The following PRICKLE2 variants were observed in gnomAD, a reference collection of about 807,000 sequenced individuals.
PRICKLE2 encodes prickle-like protein 2.
In PRICKLE2, 21 loss-of-function variants were observed where a neutral mutation model predicts 81.4. That is an observed-to-expected ratio of 0.26 (90% confidence interval 0.18 to 0.37). The LOEUF (loss-of-function observed/expected upper bound fraction) is 0.37. Among genes scored for constraint, PRICKLE2 ranks in the 10% least tolerant of loss-of-function variants. PRICKLE2 has a pLI of 1.00. For missense variants in PRICKLE2, 940 were observed against 1,109.0 expected (o/e 0.85, Z 2.16); for synonymous variants, 456 against 421.5 (o/e 1.08, Z -1.00).
At chr3:64,133,216 A>G (rs2077223195) in intron 7 of PRICKLE2, among the ~76,000 whole-genome samples, 1 of 151,998 alleles carries the variant, frequency 6.6e-6, no homozygotes, top group Admixed American at 6.6e-5. Flanking sequence ...GGTAGTCCTA[A>G]CTCCTGAATA....
intron 2 of PRICKLE2, among the ~76,000 whole-genome samples, chr3:64,252,779 C>G (rs1475774214): frequency 6.6e-6 from 1 of 152,146 alleles, no homozygotes; most frequent in East Asian, 1.9e-4. Flanking sequence ...GATCAGGGGT[C>G]AACAAACTTT....
intron 7 of PRICKLE2, among the ~76,000 whole-genome samples, chr3:64,110,187 C>T (rs1407429892): frequency 1.3e-5 from 2 of 152,076 alleles, no homozygotes; most frequent in Admixed American, 6.5e-5. Flanking sequence ...GATTTTTTTG[C>T]CAGAGTTTGC....
intron 7 of PRICKLE2, among the ~76,000 whole-genome samples, chr3:64,114,950 G>C (rs565617271): frequency 6.6e-6 from 1 of 152,254 alleles, no homozygotes; most frequent in African/African-American, 2.4e-5. Flanking sequence ...CAGCTAGAGG[G>C]AAAGATCAGG....
intron 1 of PRICKLE2, among the ~76,000 whole-genome samples, chr3:64,210,792 T>C (rs1397283587): frequency 2.0e-5 from 3 of 152,190 alleles, no homozygotes; most frequent in Non-Finnish European, 4.4e-5. Context: ...AAAGATCTCT[T>C]ACTGTATTTT....
intron 1 of PRICKLE2, among the ~76,000 whole-genome samples, chr3:64,220,472 C>T (rs1219359792): frequency 1.3e-5 from 2 of 152,144 alleles, no homozygotes; most frequent in Non-Finnish European, 2.9e-5. Flanking sequence ...GTGGCTCTTG[C>T]TCCATGTCCA....
At chr3:64,118,959 T>A (rs2076983667) in intron 7 of PRICKLE2, among the ~76,000 whole-genome samples, 1 of 152,148 alleles carries the variant, frequency 6.6e-6, no homozygotes, top group South Asian at 2.1e-4. Flanking sequence ...AGCGAAGACA[T>A]GGAATCAATC....
At chr3:64,117,144 T>G (rs2076947499) in intron 7 of PRICKLE2, among the ~76,000 whole-genome samples, 1 of 152,142 alleles carries the variant, frequency 6.6e-6, no homozygotes, top group Non-Finnish European at 1.5e-5. Flanking sequence ...TTGATAAAAT[T>G]CAACATCTTC....
At chr3:64,209,370 A>G (rs1411622042) in intron 1 of PRICKLE2, among the ~76,000 whole-genome samples, 1 of 151,622 alleles carries the variant, frequency 6.6e-6, no homozygotes, top group Admixed American at 6.6e-5. Context: ...ATATCCGTAC[A>G]TACATCCATA....
At chr3:64,172,373 T>C (rs556788704) in intron 2 of PRICKLE2, among the ~76,000 whole-genome samples, 1 of 152,356 alleles carries the variant, frequency 6.6e-6, no homozygotes, top group Non-Finnish European at 1.5e-5. Flanking sequence ...AATACACACA[T>C]ACATAAGTAT....
chr3:64,200,118 A>G (rs1282590177), intron 1 of PRICKLE2: 1 of 152,112 alleles, frequency 6.6e-6, no homozygotes, highest in Non-Finnish European at 1.5e-5. Context: ...ATTGGCAGTT[A>G]TTTCCCATAT....
intron 7 of PRICKLE2, among the ~76,000 whole-genome samples, chr3:64,106,913 C>T (rs188784769): frequency 1.6e-4 from 25 of 152,314 alleles, no homozygotes; most frequent in African/African-American, 4.8e-4. Context: ...AAGAATCCCA[C>T]CTGATGGCAA....
intron 7 of PRICKLE2, among the ~76,000 whole-genome samples, chr3:64,126,458 C>G (rs1271503222): frequency 6.6e-6 from 1 of 152,258 alleles, no homozygotes; most frequent in Non-Finnish European, 1.5e-5. Context: ...AAGAAAGGAT[C>G]CACTGCCTCT....
intron 2 of PRICKLE2, among the ~76,000 whole-genome samples, chr3:64,250,143 G>C (rs2079424780): frequency 6.6e-6 from 1 of 152,186 alleles, no homozygotes; most frequent in African/African-American, 2.4e-5. Context: ...ATGAGAGTCA[G>C]CCTTTTATCA....
At chr3:64,156,279 G>A (rs1268536381) in intron 5 of PRICKLE2, among the ~76,000 whole-genome samples, 1 of 152,156 alleles carries the variant, frequency 6.6e-6, no homozygotes, top group Non-Finnish European at 1.5e-5. Context: ...TAGAAAGTGA[G>A]TCCCTCGTAG....
intron 2 of PRICKLE2, among the ~76,000 whole-genome samples, chr3:64,248,787 C>T (rs551214354): frequency 6.6e-6 from 1 of 152,104 alleles, no homozygotes; most frequent in South Asian, 2.1e-4. Context: ...TCTATAGAAA[C>T]CATGATAACA....
chr3:64,199,828 A>G (rs2078537986), intron 1 of PRICKLE2: 1 of 152,240 alleles, frequency 6.6e-6, no homozygotes, highest in Non-Finnish European at 1.5e-5. Context: ...AGAGAGAAAA[A>G]AAGAATAGAG....
chr3:64,170,227 G>C (rs977350614), intron 2 of PRICKLE2, among the ~76,000 whole-genome samples: 1 of 152,146 alleles, frequency 6.6e-6, no homozygotes, highest in South Asian at 2.1e-4. Flanking sequence ...TCTCCATCAT[G>C]TTGAACTCCC....
intron 2 of PRICKLE2, among the ~76,000 whole-genome samples, chr3:64,192,736 C>A (rs1305988431): frequency 6.6e-6 from 1 of 152,200 alleles, no homozygotes; most frequent in Non-Finnish European, 1.5e-5. Context: ...CTTCATCCTT[C>A]CTGCGACAGT....
At chr3:64,161,698 T>C (rs2077736305) in intron 3 of PRICKLE2, among the ~76,000 whole-genome samples, 1 of 141,538 alleles carries the variant, frequency 7.1e-6, no homozygotes, top group Non-Finnish European at 1.5e-5. Context: ...CCCTTCTCTC[T>C]GTCAAATAAA....
Sources: allele counts gnomAD v4.1 joint callset (sites outside exome capture counted in the v4.1 genomes callset), GRCh38; gene constraint gnomAD v4.1.1; transcripts MANE v1.5; gene names NCBI Gene and HGNC (gene_info 2026-07-23, HGNC 2026-07-21).